RIPOR2: variants seen among roughly 807,000 people sequenced by gnomAD.
The protein encoded by RIPOR2 is RHO family interacting cell polarization regulator 2, also known as rho family-interacting cell polarization regulator 2.
RIPOR2 carries 39 observed loss-of-function variants against 114.5 expected under a neutral mutation model. That is an observed-to-expected ratio of 0.34 (90% CI 0.26 to 0.44). The LOEUF (loss-of-function observed/expected upper bound fraction) is 0.44, where lower values mean the gene tolerates loss of function less well. RIPOR2 is among the 20% of genes least tolerant of loss of function. RIPOR2 has a pLI of 1.00. For missense variants in RIPOR2, 1,007 were observed against 1,255.1 expected, an observed-to-expected ratio of 0.80 and a Z score of 2.99; for synonymous variants, 445 against 484.4, an observed-to-expected ratio of 0.92 and a Z score of 1.07.
chr6:24,930,510 C>G (rs1178414998), intron 1 of RIPOR2, among the ~76,000 whole-genome samples: 3 of 152,228 alleles, frequency 2.0e-5, no homozygotes, highest in African/African-American at 7.2e-5. Flanking sequence ...AGACAGCCTG[C>G]ATAGCTTTAG....
intron 1 of RIPOR2, chr6:24,948,229 CA>C (rs1772542151): frequency 1.3e-5 from 2 of 152,258 alleles, no homozygotes; most frequent in South Asian, 4.1e-4. Flanking sequence ...TATATAGTCC[CA>C]ACAGCAGACT....
intron 1 of RIPOR2, among the ~76,000 whole-genome samples, chr6:24,970,886 A>G (rs392899): frequency 0.82 from 125,163 of 152,142 alleles, 54,290 homozygotes; most frequent in East Asian, 0.96. Flanking sequence ...GCTATGAGAC[A>G]TTGCACAAAT....
chr6:24,856,618 G>A (rs146760483), intron 8 of RIPOR2, among the ~76,000 whole-genome samples: 6 of 152,250 alleles, frequency 3.9e-5, no homozygotes, highest in African/African-American at 1.2e-4. Flanking sequence ...AGCCGGGTGC[G>A]ATGGTGGGCA....
At chr6:24,818,459 C>T in intron 20 of RIPOR2, 83 bp downstream of exon 20, 2 of 692,358 alleles carry the variant, frequency 2.9e-6, no homozygotes, top group South Asian at 5.9e-5. Flanking sequence ...TACTTTCAAA[C>T]ATGAAAGAAA....
intron 1 of RIPOR2, among the ~76,000 whole-genome samples, chr6:24,948,517 A>ATTTC (rs1275275065): frequency 2.2e-4 from 33 of 148,586 alleles, no homozygotes; most frequent in Admixed American, 2.0e-4. Flanking sequence ...TCACTCTGCT[A>ATTTC]TTTCTTTCTT....
rs138127391 is a variant in RIPOR2 at position 25,023,746 on chromosome 6, C to A, written c.76+18105G>T. On this transcript the variant is annotated intron_variant, in intron 1 of 13. Transcript: ENST00000510784. ...CGACTTCGTTCAGGTACATGAAGAA[C>A]TCCAAGGAGGTCGGGTGGGTGGAGC... 4.1e-4 allele frequency: 326 copies of A among 797,806 alleles called. 1 individual carries two copies. The highest frequency in any genetic ancestry group is 3.4e-3 in the African/African-American group (203 of 59,758). 49.4% of individuals were successfully genotyped at this position (797,806 alleles called of 1,614,324 possible).
At position 24,927,274 on chromosome 6, in the gene RIPOR2, A is replaced by G. The variant is rs1259183962; in HGVS notation, c.61+8564T>C. 7.3e-4 allele frequency among the ~76,000 whole-genome samples: 75 copies of G among 103,090 alleles called. 15 individuals are homozygous for G. Among genetic ancestry groups the G allele is most frequent in the African/African-American group, 3.1e-3 (69 of 22,142 alleles). 67.6% of individuals were successfully genotyped at this position (103,090 alleles called of 152,430 possible). On this transcript the variant is annotated intron_variant, in intron 1 of 21. Coordinates refer to ENST00000643898, the MANE Select transcript of RIPOR2 (RefSeq NM_001286445.3). ...CACCACCACCACCACCACAGCTACA[A>G]TCACCACCACCACCACCACCACCAC... is the stretch of plus-strand genomic sequence containing the variant.
chr6:24,965,141 A>AT (rs70974956), intron 1 of RIPOR2, among the ~76,000 whole-genome samples: 1 of 150,688 alleles, frequency 6.6e-6, no homozygotes, highest in African/African-American at 2.4e-5. Context: ...TTTATTTTTT[A>AT]TTTTTTTTAT....
chr6:24,847,978 C>G (rs773932608), intron 12 of RIPOR2, 47 bp downstream of exon 12: 2 of 1,612,248 alleles, frequency 1.2e-6, no homozygotes, highest in Admixed American at 3.3e-5. Flanking sequence ...GGTGCAAGCA[C>G]TGGCTCAGGT....
At chr6:24,933,828 C>G (rs190773049) in intron 1 of RIPOR2, among the ~76,000 whole-genome samples, 45 of 152,284 alleles carry the variant, frequency 3.0e-4, no homozygotes, top group Non-Finnish European at 5.7e-4. Flanking sequence ...CACTTCCCAC[C>G]TCAGAGCTAG....
intron 1 of RIPOR2, among the ~76,000 whole-genome samples, chr6:24,972,977 C>T (rs1344145238): frequency 6.6e-6 from 1 of 152,136 alleles, no homozygotes; most frequent in Admixed American, 6.5e-5. Flanking sequence ...GATGGGCTTG[C>T]TCCACTGCTG....
chr6:24,889,181 C>T (rs905754174), intron 1 of RIPOR2, among the ~76,000 whole-genome samples: 1 of 152,174 alleles, frequency 6.6e-6, no homozygotes, highest in African/African-American at 2.4e-5. Flanking sequence ...ACCTGGACTG[C>T]TTTCTCTGCT....
intron 1 of RIPOR2, among the ~76,000 whole-genome samples, chr6:25,031,699 TTATATATATATATATA>T (rs58886088): frequency 0.015 from 525 of 35,446 alleles, 8 homozygotes; most frequent in African/African-American, 0.021. Flanking sequence ...TAGGTGGTAG[TTATATATATATATATA>T]TATATATATA....
chr6:24,846,431 G>T (rs1762295577), intron 12 of RIPOR2, among the ~76,000 whole-genome samples: 1 of 149,696 alleles, frequency 6.7e-6, no homozygotes, highest in Non-Finnish European at 1.5e-5. Context: ...TCAGTCTCCT[G>T]GGTAGTTGGG....
At chr6:24,948,369 C>G (rs1309622833) in intron 1 of RIPOR2, 1 of 152,218 alleles carries the variant, frequency 6.6e-6, no homozygotes, top group Non-Finnish European at 1.5e-5. Flanking sequence ...CCTCATTGGG[C>G]CTCAAAACAG....
At position 24,976,938 on chromosome 6, in the gene RIPOR2, C is replaced by T. The variant is rs544449994; in HGVS notation, c.76+64913G>A. 2.2e-5 allele frequency: 35 copies of T among 1,569,038 alleles called. No individual in the cohort carries two copies. The African/African-American group carries it at 4.4e-4, about 20-fold the overall frequency. On this transcript the variant is annotated intron_variant, in intron 1 of 13. Transcript: ENST00000510784. ...CGCTTTGGGTCCAGGAATGGCAAGA[C>T]CAGCAAGAAGATCACCATTGCTGAC...
intron 1 of RIPOR2, among the ~76,000 whole-genome samples, chr6:24,900,328 T>G (rs1287818964): frequency 6.6e-6 from 1 of 152,236 alleles, no homozygotes; most frequent in Admixed American, 6.5e-5. Context: ...ATCTATAAAA[T>G]GGAGTAATTA....
chr6:24,805,009 C>T lies in RIPOR2; in HGVS notation c.*1364G>A, dbSNP rs1431383431. 6.6e-6 allele frequency: 1 copy of T among 152,124 alleles called. No individual in the cohort carries two copies. The highest frequency in any genetic ancestry group is 6.6e-5 in the Admixed American group (1 of 15,266). The allele number at this position is 152,124 out of a possible 1,614,324, so 9.4% of individuals were successfully genotyped here. Reference sequence around the variant, plus strand: ...TGAGTGATTTCCCTGGGGGCAGTAACCACCCCTCAGGATGTCCTTCTTTCT... The same window carrying T: ...TGAGTGATTTCCCTGGGGGCAGTAATCACCCCTCAGGATGTCCTTCTTTCT... On this transcript the variant is annotated 3_prime_UTR_variant, in exon 22 of 22. Coordinates refer to ENST00000643898, the MANE Select transcript of RIPOR2 (RefSeq NM_001286445.3).
chr6:24,957,384 A>G (rs1410632255), intron 1 of RIPOR2, among the ~76,000 whole-genome samples: 2 of 152,226 alleles, frequency 1.3e-5, no homozygotes, highest in Non-Finnish European at 2.9e-5. Flanking sequence ...CAAGAGGTTA[A>G]GTAACTTGTC....
Sources: allele counts gnomAD v4.1 joint callset (sites outside exome capture counted in the v4.1 genomes callset), GRCh38; gene constraint gnomAD v4.1.1; transcripts MANE v1.5; gene names NCBI Gene and HGNC (gene_info 2026-07-23, HGNC 2026-07-21).